The following TMEM132D variants were observed in gnomAD, a reference collection of about 807,000 sequenced individuals.
TMEM132D encodes mature OL transmembrane protein.
In TMEM132D, 21 loss-of-function variants were observed where a neutral mutation model predicts 62.3. The observed-to-expected ratio is 0.34, with a 90% confidence interval of 0.24 to 0.49. The LOEUF (loss-of-function observed/expected upper bound fraction) is 0.49. TMEM132D is among the 20% of genes least tolerant of loss of function. The pLI, the probability that TMEM132D is intolerant of heterozygous loss-of-function variation, is 0.99. For synonymous variants in TMEM132D, 621 were observed against 575.6 expected (o/e 1.08, Z -1.13); for missense variants, 1,346 against 1,402.8 (o/e 0.96, Z 0.65).
chr12:129,649,132 T>C (rs1879860395), intron 2 of TMEM132D, among the ~76,000 whole-genome samples: 1 of 152,186 alleles, frequency 6.6e-6, no homozygotes, highest in Admixed American at 6.5e-5. Flanking sequence ...ATAAGAAACT[T>C]CGCTCAAGTC....
At chr12:129,311,480 G>C (rs1035294877) in intron 4 of TMEM132D, among the ~76,000 whole-genome samples, 1 of 152,182 alleles carries the variant, frequency 6.6e-6, no homozygotes, top group Admixed American at 6.5e-5. Flanking sequence ...TGTTCCAGTT[G>C]ATGTTCTGGA....
At chr12:129,473,777 T>C (rs1035236638) in intron 3 of TMEM132D, among the ~76,000 whole-genome samples, 1 of 152,256 alleles carries the variant, frequency 6.6e-6, no homozygotes, top group Non-Finnish European at 1.5e-5. Context: ...CACTTTAGTA[T>C]GGTGATCTGG....
intron 4 of TMEM132D, among the ~76,000 whole-genome samples, chr12:129,313,567 G>A (rs376286428): frequency 4.3e-5 from 5 of 116,540 alleles, no homozygotes; most frequent in Non-Finnish European, 9.9e-5. Flanking sequence ...GTGTGTGTGT[G>A]TGTATATATA....
At chr12:129,283,576 T>G (rs1325987104) in intron 4 of TMEM132D, among the ~76,000 whole-genome samples, 1 of 152,232 alleles carries the variant, frequency 6.6e-6, no homozygotes, top group Non-Finnish European at 1.5e-5. Context: ...ACTGAATTTT[T>G]TTTCCCAAAG....
At chr12:129,435,016 T>C (rs971470243) in intron 3 of TMEM132D, among the ~76,000 whole-genome samples, 1 of 152,184 alleles carries the variant, frequency 6.6e-6, no homozygotes, top group Non-Finnish European at 1.5e-5. Context: ...ACTGTGTAAT[T>C]CTATGAGATC....
chr12:129,690,764 C>T (rs1593121679), intron 2 of TMEM132D, among the ~76,000 whole-genome samples: 1 of 152,224 alleles, frequency 6.6e-6, no homozygotes, highest in East Asian at 1.9e-4. Flanking sequence ...CTTAGCACTC[C>T]TCTGTGAGCA....
rs149609254 is a variant in TMEM132D at position 129,837,710 on chromosome 12, C to T, written c.79+65551G>A. Among the ~76,000 whole-genome samples the T allele has an allele frequency of 5.3e-4, 80 of 152,230 alleles. No homozygotes were observed. The East Asian group carries it at 0.014, about 27-fold the overall frequency. On this transcript the variant is annotated intron_variant, in intron 1 of 8. Coordinates refer to ENST00000422113, the MANE Select transcript of TMEM132D (RefSeq NM_133448.3). ...TAACATTTTTAACCCAAAACGTAAA[C>T]GCAGATGATTTACTTCCCAACCACA...
chr12:129,840,992 T>C (rs1315666124), intron 1 of TMEM132D, among the ~76,000 whole-genome samples: 1 of 152,232 alleles, frequency 6.6e-6, no homozygotes, highest in Non-Finnish European at 1.5e-5. Flanking sequence ...GCTGTTTGGT[T>C]ACAGAACTGG....
rs1056220560 is a variant in TMEM132D, at chr12:129,274,835, C to T, written c.1299+62799G>A. ...CCGGGAGGCGGAGCTTGCAGTGAGC[C>T]GAGATAGCGCCACTGCACTCCAGCC... On this transcript the variant is annotated intron_variant, in intron 4 of 8. Coordinates refer to ENST00000422113, the MANE Select transcript of TMEM132D (RefSeq NM_133448.3). Among the ~76,000 whole-genome samples, 9 of 152,234 alleles carry T rather than the reference C, an allele frequency of 5.9e-5. No individual in the cohort carries two copies. The East Asian group carries it at 1.3e-3, about 23-fold the overall frequency.
intron 5 of TMEM132D, among the ~76,000 whole-genome samples, chr12:129,202,952 T>C (rs1393322075): frequency 6.6e-6 from 1 of 152,226 alleles, no homozygotes; most frequent in African/African-American, 2.4e-5. Context: ...AAGCAAATGT[T>C]TGCTGACAGC....
At chr12:129,616,060 T>G (rs905203282) in intron 2 of TMEM132D, among the ~76,000 whole-genome samples, 3 of 152,120 alleles carry the variant, frequency 2.0e-5, no homozygotes, top group Non-Finnish European at 4.4e-5. Context: ...AACAACACAT[T>G]AGAAAACAAG....
intron 4 of TMEM132D, among the ~76,000 whole-genome samples, chr12:129,240,489 G>A (rs960606551): frequency 6.6e-6 from 1 of 152,178 alleles, no homozygotes; most frequent in Non-Finnish European, 1.5e-5. Context: ...TGTCCCAAAT[G>A]AGGATGTATC....
At chr12:129,484,800 A>G (rs1476119155) in intron 3 of TMEM132D, among the ~76,000 whole-genome samples, 4 of 152,260 alleles carry the variant, frequency 2.6e-5, no homozygotes, top group African/African-American at 9.6e-5. Flanking sequence ...ATTAGAAATA[A>G]CTGGCGTGTA....
chr12:129,611,816 G>A lies in TMEM132D; in HGVS notation c.969-80611C>T, dbSNP rs138023653. Among the ~76,000 whole-genome samples the A allele has an allele frequency of 2.3e-3, 354 of 152,266 alleles. 2 individuals carry two copies. The highest frequency in any genetic ancestry group is 6.8e-3 in the African/African-American group (283 of 41,552). ...TTGTAGGGAAAGTCTGGAGATGTAG[G>A]GGAGCACAGGGCTATTGGATGAGCA... On this transcript the variant is annotated intron_variant, in intron 2 of 8. Coordinates refer to ENST00000422113, the MANE Select transcript of TMEM132D (RefSeq NM_133448.3).
chr12:129,703,346 A>G (rs1286706528), intron 1 of TMEM132D, among the ~76,000 whole-genome samples: 1 of 152,170 alleles, frequency 6.6e-6, no homozygotes, highest in African/African-American at 2.4e-5. Context: ...ATTTGAAGGG[A>G]AGTAACTTCT....
chr12:129,861,967 A>T (rs1341647821), intron 1 of TMEM132D, among the ~76,000 whole-genome samples: 1 of 151,798 alleles, frequency 6.6e-6, no homozygotes, highest in Non-Finnish European at 1.5e-5. Flanking sequence ...CACCCAACAC[A>T]CAAGGGTCAT....
At chr12:129,557,645 G>A (rs1454471722) in intron 2 of TMEM132D, among the ~76,000 whole-genome samples, 5 of 152,216 alleles carry the variant, frequency 3.3e-5, no homozygotes, top group African/African-American at 9.6e-5. Context: ...GAGCCTTGGA[G>A]ATGGAGGTTG....
chr12:129,369,464 C>T (rs1185787048), intron 3 of TMEM132D, among the ~76,000 whole-genome samples: 1 of 152,160 alleles, frequency 6.6e-6, no homozygotes, highest in Non-Finnish European at 1.5e-5. Flanking sequence ...TCATGGCACT[C>T]ATCCTATGAA....
intron 2 of TMEM132D, among the ~76,000 whole-genome samples, chr12:129,635,657 G>A (rs763545205): frequency 6.6e-5 from 10 of 152,158 alleles, no homozygotes; most frequent in Non-Finnish European, 1.5e-4. Context: ...GTCCAAGCAA[G>A]TTTTAGTTAA....
Sources: allele counts gnomAD v4.1 joint callset (sites outside exome capture counted in the v4.1 genomes callset), GRCh38; gene constraint gnomAD v4.1.1; transcripts MANE v1.5; gene names NCBI Gene and HGNC (gene_info 2026-07-23, HGNC 2026-07-21).